LAMC1: variants seen among roughly 807,000 people sequenced by gnomAD.
LAMC1 encodes the protein laminin subunit gamma-1.
Under a neutral mutation model 173.6 loss-of-function variants are expected in LAMC1, and 38 were observed. The observed-to-expected ratio is 0.22, with a 90% CI of 0.17 to 0.29. The LOEUF (loss-of-function observed/expected upper bound fraction) is 0.29. LAMC1 is among the 10% of genes least tolerant of loss of function. LAMC1 has a pLI of 1.00. For missense variants in LAMC1, 1,824 were observed against 2,051.8 expected (o/e 0.89, Z 2.14); for synonymous variants, 746 against 749.1 (o/e 1.00, Z 0.07).
intron 1 of LAMC1, among the ~76,000 whole-genome samples, chr1:183,031,686 T>G (rs1213953145): frequency 6.6e-6 from 1 of 152,154 alleles, no homozygotes; most frequent in African/African-American, 2.4e-5. Context: ...GGGAAAGGTG[T>G]TAAAGTTTAG....
chr1:183,049,818 A>G (rs1654367257), intron 1 of LAMC1, among the ~76,000 whole-genome samples: 2 of 127,480 alleles, frequency 1.6e-5, no homozygotes, highest in South Asian at 5.4e-4. Context: ...TTCTCACCAA[A>G]CTAAAACAAA....
intron 1 of LAMC1, among the ~76,000 whole-genome samples, chr1:183,049,431 A>G (rs1654350378): frequency 6.7e-6 from 1 of 148,400 alleles, no homozygotes; most frequent in Admixed American, 6.7e-5. Context: ...TCTTGTAACT[A>G]TTTTCTCCAA....
At chr1:183,125,650 C>A in intron 15 of LAMC1, 100 bp downstream of exon 15, 2 of 891,382 alleles carry the variant, frequency 2.2e-6, no homozygotes, top group Non-Finnish European at 3.4e-6. Context: ...TCAGAAATTA[C>A]TGGAGCGCCT....
At chr1:183,120,386 G>A (rs16860231) in intron 11 of LAMC1, among the ~76,000 whole-genome samples, 3,629 of 152,034 alleles carry the variant, frequency 0.024, 145 homozygotes, top group African/African-American at 0.083. Context: ...AGAATTGGAA[G>A]CACAGTAACC....
At chr1:183,118,785 T>C (rs1193743457) in intron 11 of LAMC1, among the ~76,000 whole-genome samples, 2 of 152,208 alleles carry the variant, frequency 1.3e-5, no homozygotes, top group Non-Finnish European at 2.9e-5. Flanking sequence ...TTCATTTCTT[T>C]TTATTTACTG....
Position 183,134,778 on chromosome 1 carries a change from A to T in LAMC1, c.3968A>T (p.Asn1323Ile). Residue 1323 changes from asparagine (N) to isoleucine (I), a missense_variant, in exon 23 of 28, where the codon AAC becomes ATC. Transcript: ENST00000258341. ...AGAGGGAAGGAACTTGAAGTCAAGA[A>T]CCTTCTGGAGAAAGGCAAGACTGAA... is the stretch of plus-strand genomic sequence containing the variant. ...DMRGKELEVK[N>I]LLEKGKTEQQ... The T allele has an allele frequency of 6.2e-7, 1 of 1,613,522 alleles. No homozygotes were observed. Among genetic ancestry groups the T allele is most frequent in the Non-Finnish European group, 8.5e-7 (1 of 1,179,838 alleles).
chr1:183,079,250 T>G (rs866862702), intron 1 of LAMC1, among the ~76,000 whole-genome samples: 4,515 of 88,656 alleles, frequency 0.051, 256 homozygotes, highest in African/African-American at 0.13. Flanking sequence ...TTTTTTTTTT[T>G]TTTTTTTTTT....
intron 16 of LAMC1, 84 bp from the exon 17 acceptor site, chr1:183,127,142 T>G: frequency 7.6e-7 from 1 of 1,311,406 alleles, no homozygotes; most frequent in Non-Finnish European, 1.1e-6. Context: ...CAGCTTATAG[T>G]CAGCTTATTG....
Position 183,117,334 on chromosome 1 carries a change from C to A in LAMC1, c.1579C>A (p.Arg527Ser), listed in dbSNP as rs141665938. ...TCTACCTGCAGATGAGGATGGGTGGCGTGCGGAACAGAGAGATGGCTCTGA... is the reference window on the plus strand; with the variant it reads ...TCTACCTGCAGATGAGGATGGGTGGAGTGCGGAACAGAGAGATGGCTCTGA... ...STFQIDEDGW[R>S]AEQRDGSEAS... The change falls in exon 9 of 28, where the codon CGT (arginine) becomes AGT (serine). Residue 527 changes from arginine to serine, a missense_variant. By Grantham distance (110) the Arg-to-Ser change is moderately radical (BLOSUM62 -1). Coordinates refer to ENST00000258341, the MANE Select transcript of LAMC1 (RefSeq NM_002293.4). 2 of 1,606,322 alleles carry A rather than the reference C, an allele frequency of 1.2e-6. No individual in the cohort carries two copies. Among genetic ancestry groups the A allele is most frequent in the Non-Finnish European group, 1.7e-6 (2 of 1,173,844 alleles).
chr1:183,118,166 A>G lies in LAMC1; in HGVS notation c.1990+20A>G. On this transcript the variant is annotated intron_variant, in intron 11 of 27. Coordinates refer to ENST00000258341, the MANE Select transcript of LAMC1 (RefSeq NM_002293.4). The stretch of plus-strand genomic sequence containing the variant: ...AGAGAAGTAAGTTATGATATAATTT[A>G]GGAGAGTTGTTTAAAAAGATGATTG... 7.4e-7 allele frequency: 1 copy of G among 1,350,532 alleles called. No individual in the cohort carries two copies. Among genetic ancestry groups the G allele is most frequent in the Non-Finnish European group, 1.1e-6 (1 of 947,508 alleles). 83.7% of individuals were successfully genotyped at this position (1,350,532 alleles called of 1,614,324 possible). A position where few individuals can be genotyped will look rare whatever the true frequency, so the allele number is the denominator to read the frequency against.
chr1:183,028,286 A>G lies in LAMC1; in HGVS notation c.418+4152A>G, dbSNP rs533596922. ...ATGCACTCCTTCCTCCTGTGCATACATTCTCATGTTATTGCCGGATATTCT... is the reference window on the plus strand; with the variant it reads ...ATGCACTCCTTCCTCCTGTGCATACGTTCTCATGTTATTGCCGGATATTCT... On this transcript the variant is annotated intron_variant, in intron 1 of 27. Transcript: ENST00000258341. Among the ~76,000 whole-genome samples, 3 of 152,242 alleles carry G rather than the reference A, an allele frequency of 2.0e-5. No homozygotes were observed. In the South Asian group the frequency reaches 6.2e-4, roughly 32 times the overall value.
At chr1:183,077,285 C>T (rs186875628) in intron 1 of LAMC1, among the ~76,000 whole-genome samples, 57 of 152,190 alleles carry the variant, frequency 3.7e-4, no homozygotes, top group Non-Finnish European at 3.7e-4. Context: ...TCCTGTTAGT[C>T]GTTTTGGAGA....
chr1:183,085,059 C>G (rs1571430260), intron 1 of LAMC1, among the ~76,000 whole-genome samples: 1 of 151,836 alleles, frequency 6.6e-6, no homozygotes, highest in Non-Finnish European at 1.5e-5. Context: ...TCTACTAAAA[C>G]TACAAAAATT....
chr1:183,068,899 G>A (rs1357345915), intron 1 of LAMC1, among the ~76,000 whole-genome samples: 3 of 151,806 alleles, frequency 2.0e-5, no homozygotes, highest in Non-Finnish European at 2.9e-5. Context: ...CCGAGATCGC[G>A]CCACTGCACT....
intron 1 of LAMC1, among the ~76,000 whole-genome samples, chr1:183,061,367 G>GTTTTT (rs5779152): frequency 1.3e-5 from 2 of 148,498 alleles, no homozygotes; most frequent in Admixed American, 6.7e-5. Context: ...TTTGGTTGGT[G>GTTTTT]TTTTTTTTTT....
At chr1:183,077,935 A>C (rs1202097397) in intron 1 of LAMC1, among the ~76,000 whole-genome samples, 1 of 151,712 alleles carries the variant, frequency 6.6e-6, no homozygotes, top group Non-Finnish European at 1.5e-5. Context: ...TTGGGGCAAT[A>C]AGTTGTCTCT....
At chr1:183,130,957 C>G (rs767269071) in intron 19 of LAMC1, among the ~76,000 whole-genome samples, 1 of 152,030 alleles carries the variant, frequency 6.6e-6, no homozygotes, top group African/African-American at 2.4e-5. Flanking sequence ...GGTGGATCAC[C>G]TGAGGTCGAG....
chr1:183,035,112 G>T (rs1653945933), intron 1 of LAMC1, among the ~76,000 whole-genome samples: 1 of 152,168 alleles, frequency 6.6e-6, no homozygotes, highest in African/African-American at 2.4e-5. Flanking sequence ...ATAGACCACT[G>T]CTTTAGGATC....
intron 16 of LAMC1, among the ~76,000 whole-genome samples, chr1:183,126,696 A>G (rs973718813): frequency 6.6e-6 from 1 of 152,230 alleles, no homozygotes; most frequent in Non-Finnish European, 1.5e-5. Context: ...ACGTGTAAAC[A>G]TCTGCTTCTC....
Sources: allele counts gnomAD v4.1 joint callset (sites outside exome capture counted in the v4.1 genomes callset), GRCh38; gene constraint gnomAD v4.1.1; transcripts MANE v1.5; gene names NCBI Gene and HGNC (gene_info 2026-07-23, HGNC 2026-07-21).